Variants in PLXND1 observed in about 807,000 individuals in gnomAD.
The protein encoded by PLXND1 is plexin D1, also known as plexin-D1.
Under a neutral mutation model 197.7 loss-of-function variants are expected in PLXND1, and 54 were observed. The ratio of observed to expected loss-of-function variants is 0.27; its 90% CI spans 0.22 to 0.34. The LOEUF (loss-of-function observed/expected upper bound fraction) is 0.34, where lower values mean the gene tolerates loss of function less well. PLXND1 is among the 10% of genes least tolerant of loss of function. The probability of loss-of-function intolerance (pLI) is 1.00; values close to 1 mark genes in which losing one functional copy is unlikely to be tolerated. For missense variants in PLXND1, 2,127 were observed against 2,699.2 expected, an observed-to-expected ratio of 0.79 and a Z score of 4.70; for synonymous variants, 1,180 against 1,161.2, an observed-to-expected ratio of 1.02 and a Z score of -0.33.
In PLXND1 at chr3:129,558,662, T is replaced by A; in HGVS notation, c.5298-87A>T. ...GTTGTGGAGGAGAGAGCTGGCTTTGTCCCTCAAGGGCCTGAGGTTGGAGCC... is the reference window on the plus strand; with the variant it reads ...GTTGTGGAGGAGAGAGCTGGCTTTGACCCTCAAGGGCCTGAGGTTGGAGCC... On this transcript the variant is annotated intron_variant, in intron 32 of 35. Coordinates refer to ENST00000324093, the MANE Select transcript of PLXND1 (RefSeq NM_015103.3). The surrounding 1 kb of genome is among the most constrained non-coding windows in gnomAD (Gnocchi z 4.1). 7.5e-7 allele frequency: 1 copy of A among 1,338,654 alleles called. No homozygotes were observed. Among genetic ancestry groups the A allele is most frequent in the Non-Finnish European group, 1.0e-6 (1 of 953,466 alleles). The allele number at this position is 1,338,654 out of a possible 1,614,324, so 82.9% of individuals were successfully genotyped here.
intron 1 of PLXND1, among the ~76,000 whole-genome samples, chr3:129,599,149 G>A (rs2085669515): frequency 6.6e-6 from 1 of 152,226 alleles, no homozygotes; most frequent in South Asian, 2.1e-4. Context: ...CACGCCACGC[G>A]TCTTTGTTCA....
rs1404843739 is a variant in PLXND1 at position 129,577,261 on chromosome 3, G to A, written c.2346+1068C>T. On this transcript the variant is annotated intron_variant, in intron 9 of 35. Transcript: ENST00000324093. This position sits in a 1 kb window ranked among gnomAD's most constrained non-coding sequence, Gnocchi z 5.0. ...TTCAGTGTTCTAGGAGCAGGCCCTG[G>A]GGAGCAGGAGGGCAGGCGCCCCTGC... Among the ~76,000 whole-genome samples the A allele has an allele frequency of 2.0e-5, 3 of 152,156 alleles. No individual in the cohort carries two copies. The highest frequency in any genetic ancestry group is 4.8e-5 in the African/African-American group (2 of 41,438).
At chr3:129,584,614 C>T (rs754787260) in intron 5 of PLXND1, 52 bp from the exon 6 acceptor site, 12 of 1,538,486 alleles carry the variant, frequency 7.8e-6, no homozygotes, top group Non-Finnish European at 1.1e-5. Flanking sequence ...CTCCTCACAG[C>T]CTGCCCCAGG....
In PLXND1 at chr3:129,568,721, G is replaced by T. The variant is rs1321641911; in HGVS notation, c.3866-916C>A. On this transcript the variant is annotated intron_variant, in intron 20 of 35. Transcript: ENST00000324093. The stretch of plus-strand genomic sequence containing the variant: ...ATGCCACCATGCCCAGGTAATTTTT[G>T]TATTTTTTGTAGAGATAAAGTTTTG... 3.9e-5 allele frequency among the ~76,000 whole-genome samples: 6 copies of T among 152,086 alleles called. No homozygotes were observed. The East Asian group carries it at 1.2e-3, about 29-fold the overall frequency.
rs1262881344 is a variant in PLXND1, at chr3:129,558,068, T to C, written c.5445+360A>G. Among the ~76,000 whole-genome samples the C allele has an allele frequency of 2.0e-5, 3 of 152,252 alleles. No homozygotes were observed. The highest frequency in any genetic ancestry group is 7.2e-5 in the African/African-American group (3 of 41,466). ...ATGGCTTTTGACTTTCAGGGGCTAC[T>C]GCCCAGAGCCTGGCCCGGTTTTCAG... On this transcript the variant is annotated intron_variant, in intron 33 of 35. Transcript: ENST00000324093. This position sits in a 1 kb window ranked among gnomAD's most constrained non-coding sequence, Gnocchi z 4.1.
Position 129,565,526 on chromosome 3 carries a change from G to A in PLXND1, c.4335C>T (p.Ala1445=). 1 of 1,613,256 alleles carries A rather than the reference G, an allele frequency of 6.2e-7. No homozygotes were observed. The highest frequency in any genetic ancestry group is 8.5e-7 in the Non-Finnish European group (1 of 1,179,658). Residue 1445 remains alanine (A), a synonymous_variant, in exon 25 of 36, where the codon GCC becomes GCT. Transcript: ENST00000324093. The stretch of plus-strand genomic sequence containing the variant: ...CGTGCAGCGCGATGGTCAGCAGCGA[G>A]GCCAGGCTGCACCTGTGAGCGGGAG... The part of the protein sequence containing the change: ...DFAVRDRCSL[A]SLLTIALHGK...
chr3:129,561,574 C>T (rs1412902151), intron 29 of PLXND1, 72 bp downstream of exon 29: 9 of 1,177,698 alleles, frequency 7.6e-6, no homozygotes, highest in Admixed American at 2.0e-5. Flanking sequence ...CTCAGCTTCC[C>T]CACTGGGGCA....
intron 9 of PLXND1, 29 bp downstream of exon 9, chr3:129,578,300 C>A: frequency 7.0e-7 from 1 of 1,438,772 alleles, no homozygotes; most frequent in Non-Finnish European, 9.6e-7. Context: ...CTCCTGGCCC[C>A]ACCCGGCGCT....
intron 1 of PLXND1, among the ~76,000 whole-genome samples, chr3:129,589,764 A>G (rs2085511567): frequency 1.3e-5 from 2 of 152,158 alleles, no homozygotes; most frequent in Admixed American, 1.3e-4. Context: ...TTCAAGGTAC[A>G]CGGGAACCAG....
rs2085324496 is a variant in PLXND1 at position 129,577,124 on chromosome 3, G to T, written c.2346+1205C>A. Among the ~76,000 whole-genome samples the T allele has an allele frequency of 6.6e-6, 1 of 152,076 alleles. No homozygotes were observed. The highest frequency in any genetic ancestry group is 1.5e-5 in the Non-Finnish European group (1 of 68,026). On this transcript the variant is annotated intron_variant, in intron 9 of 35. Coordinates refer to ENST00000324093, the MANE Select transcript of PLXND1 (RefSeq NM_015103.3). The surrounding 1 kb of genome is among the most constrained non-coding windows in gnomAD (Gnocchi z 5.0). The stretch of plus-strand genomic sequence containing the variant: ...TTTTGTCCCCTGCCATGCTGAGCTG[G>T]AGATGGGTCCCTCCTCTTAGTCCTC...
At chr3:129,601,236 A>G (rs539563789) in intron 1 of PLXND1, among the ~76,000 whole-genome samples, 3 of 152,338 alleles carry the variant, frequency 2.0e-5, no homozygotes, top group Non-Finnish European at 4.4e-5. Context: ...GTTGAAAACA[A>G]TCAGGGACAA....
rs2085467471 is a variant in PLXND1 at position 129,586,724 on chromosome 3, G to T, written c.1489-5C>A. On this transcript the variant is annotated splice_region_variant and splice_polypyrimidine_tract_variant and intron_variant, in intron 2 of 35. Coordinates refer to ENST00000324093, the MANE Select transcript of PLXND1 (RefSeq NM_015103.3). ...CATGCTCTCGTTCAGGTTGATCTGTGGGGGTAGTGGGCATCAGGGTGCTGG... is the reference window on the plus strand; with the variant it reads ...CATGCTCTCGTTCAGGTTGATCTGTTGGGGTAGTGGGCATCAGGGTGCTGG... The T allele has an allele frequency of 2.5e-6, 4 of 1,599,460 alleles. No individual in the cohort carries two copies. The highest frequency in any genetic ancestry group is 3.4e-6 in the Non-Finnish European group (4 of 1,172,758).
At chr3:129,573,013 C>G in intron 13 of PLXND1, 72 bp from the exon 14 acceptor site, 1 of 1,033,602 alleles carries the variant, frequency 9.7e-7, no homozygotes, top group Non-Finnish European at 1.5e-6. Context: ...GCTCAGGGAT[C>G]GCCCCATTCC....
At chr3:129,561,609 G>C in intron 29 of PLXND1, 37 bp downstream of exon 29, 1 of 1,495,546 alleles carries the variant, frequency 6.7e-7, no homozygotes, top group Non-Finnish European at 9.2e-7. Flanking sequence ...CTGTCCACAC[G>C]CAGCCTGGGC....
chr3:129,564,709 C>CT (rs1456994913), intron 25 of PLXND1, among the ~76,000 whole-genome samples: 1 of 152,248 alleles, frequency 6.6e-6, no homozygotes, highest in Non-Finnish European at 1.5e-5. Context: ...GGCCCACCCT[C>CT]TTCCCAGCCT....
rs1313386799 is a variant in PLXND1 at position 129,562,446 on chromosome 3, G to C, written c.4825+341C>G. The C allele has an allele frequency of 2.7e-5, 7 of 254,936 alleles. No individual in the cohort carries two copies. The Admixed American group carries it at 3.4e-4, about 12-fold the overall frequency. The allele number at this position is 254,936 out of a possible 1,614,324, so 15.8% of individuals were successfully genotyped here. A position where few individuals can be genotyped will look rare whatever the true frequency, so the allele number is the denominator to read the frequency against. On this transcript the variant is annotated intron_variant, in intron 27 of 35. Transcript: ENST00000324093. ...GATCACTTGAGCCCAGGAGGTCGAG[G>C]CTGCAGTGAGCTGAGATTGCGCCAC...
chr3:129,605,845 G>A lies in PLXND1; in HGVS notation c.795C>T (p.Leu265=). ...GCTCCTTGGCGCCCTGCTTGATCTT[G>A]AGGATGTTGTCGTCGGAGGGGTTGA... The part of the protein sequence containing the change: ...FDLNPSDDNI[L]KIKQGAKEQH... Residue 265 remains leucine, a synonymous_variant, in exon 1 of 36, where the codon CTC becomes CTT. Coordinates refer to ENST00000324093, the MANE Select transcript of PLXND1 (RefSeq NM_015103.3). 6.2e-7 allele frequency: 1 copy of A among 1,613,272 alleles called. No homozygotes were observed. Among genetic ancestry groups the A allele is most frequent in the Non-Finnish European group, 8.5e-7 (1 of 1,179,774 alleles).
At position 129,575,548 on chromosome 3, in the gene PLXND1, C is replaced by T. The variant is rs146580173; in HGVS notation, c.2451G>A (p.Arg817=). ...GGCTGAGCGGGAACACCTGGCTCTT[C>T]CGGGTCGTGTGCAGCTGCAAAAGGG... ...RCDQVVLHTT[R]KSQVFPLSLQ... Residue 817 remains arginine (R), a synonymous_variant, in exon 11 of 36, where the codon CGG becomes CGA. Coordinates refer to ENST00000324093, the MANE Select transcript of PLXND1 (RefSeq NM_015103.3). 7.1e-5 allele frequency: 111 copies of T among 1,556,146 alleles called. No homozygotes were observed. In the African/African-American group the frequency reaches 9.8e-4, roughly 14 times the overall value.
rs1040781112 is a variant in PLXND1, at chr3:129,555,214, T to A, written c.*1098A>T. 1.9e-5 allele frequency: 7 copies of A among 373,136 alleles called. No homozygotes were observed. The highest frequency in any genetic ancestry group is 2.9e-5 in the Non-Finnish European group (6 of 209,270). The allele number at this position is 373,136 out of a possible 1,614,324, so 23.1% of individuals were successfully genotyped here. ...TCAGGACAAAGGCTGGAGCCCACAG[T>A]AGGTTTGTCCGTAAGGCTTTTATTA... On this transcript the variant is annotated 3_prime_UTR_variant, in exon 36 of 36. Transcript: ENST00000324093.
Sources: gnomAD v4.1 joint callset for allele counts (sites outside exome capture counted in the v4.1 genomes callset) on GRCh38, gnomAD v4.1.1 for gene constraint, Gnocchi (gnomAD v3.1) non-coding constraint, MANE v1.5 for transcripts, NCBI Gene and HGNC (gene_info 2026-07-23, HGNC 2026-07-21) for gene names.